ABCC9: variants seen among roughly 807,000 people sequenced by gnomAD.
ABCC9 encodes ATP binding cassette subfamily C member 9.
ABCC9 carries 95 observed loss-of-function variants against 188.3 expected under a neutral mutation model. That is an observed-to-expected ratio of 0.50 (90% confidence interval 0.43 to 0.60). The LOEUF (loss-of-function observed/expected upper bound fraction) is 0.60. ABCC9 is among the 20% of genes least tolerant of loss of function. The pLI is 0.00. For missense variants in ABCC9, 1,102 were observed against 1,876.3 expected (o/e 0.59, Z 7.62); for synonymous variants, 659 against 652.7 (o/e 1.01, Z -0.15).
intron 17 of ABCC9, among the ~76,000 whole-genome samples, chr12:21,874,664 G>T (rs2137594762): frequency 6.6e-6 from 1 of 152,184 alleles, no homozygotes; most frequent in Admixed American, 6.5e-5. Flanking sequence ...TATGCAATGG[G>T]ATATTATTCA....
chr12:21,834,062 C>T (rs879904450), intron 30 of ABCC9, among the ~76,000 whole-genome samples: 3 of 152,160 alleles, frequency 2.0e-5, no homozygotes, highest in Non-Finnish European at 2.9e-5. Flanking sequence ...ATTTTGCCTT[C>T]GATTCTCTCC....
chr12:21,931,830 T>C (rs764457404), intron 4 of ABCC9, among the ~76,000 whole-genome samples: 13 of 152,226 alleles, frequency 8.5e-5, no homozygotes, highest in Middle Eastern at 3.4e-3. Context: ...CAAGATAATA[T>C]CCAATTAAGC....
At chr12:21,846,479 T>C (rs1944677858) in intron 25 of ABCC9, among the ~76,000 whole-genome samples, 1 of 152,218 alleles carries the variant, frequency 6.6e-6, no homozygotes. Flanking sequence ...ATCTTTTGCT[T>C]TTCCAAAGGA....
At chr12:21,883,414 G>C (rs1029532795) in intron 15 of ABCC9, among the ~76,000 whole-genome samples, 2 of 152,172 alleles carry the variant, frequency 1.3e-5, no homozygotes, top group African/African-American at 4.8e-5. Context: ...ATGCTCTCAT[G>C]CCTGCCACCA....
chr12:21,904,083 A>G (rs1407119877), intron 12 of ABCC9, among the ~76,000 whole-genome samples: 8 of 152,222 alleles, frequency 5.3e-5, no homozygotes, highest in East Asian at 3.8e-4. Flanking sequence ...AAACAGAGAT[A>G]TAGACCAATG....
At chr12:21,899,046 C>T (rs572157500) in intron 12 of ABCC9, among the ~76,000 whole-genome samples, 5 of 151,934 alleles carry the variant, frequency 3.3e-5, no homozygotes, top group Non-Finnish European at 7.4e-5. Context: ...TATTTTTAAC[C>T]CTTTTCCCGT....
rs1315658031 is a variant in ABCC9 at position 21,817,317 on chromosome 12, G to T, written c.3772-10C>A. On this transcript the variant is annotated splice_polypyrimidine_tract_variant and intron_variant, in intron 32 of 39. Coordinates refer to ENST00000261200, the MANE Select transcript of ABCC9 (RefSeq NM_020297.4). ...TCAAATAATTGGTTATCTGTGTCAGGTGATTAAAAAAATTGTTTTAAATAA... is the reference window on the plus strand; with the variant it reads ...TCAAATAATTGGTTATCTGTGTCAGTTGATTAAAAAAATTGTTTTAAATAA... 6.2e-7 allele frequency: 1 copy of T among 1,612,912 alleles called. No individual in the cohort carries two copies. The highest frequency in any genetic ancestry group is 8.5e-7 in the Non-Finnish European group (1 of 1,179,518).
intron 30 of ABCC9, among the ~76,000 whole-genome samples, chr12:21,831,440 C>T (rs1269379587): frequency 6.6e-6 from 1 of 152,134 alleles, no homozygotes; most frequent in African/African-American, 2.4e-5. Context: ...ACATGACCTA[C>T]TCCCTTGAAG....
Position 21,882,839 on chromosome 12 carries a change from C to T in ABCC9, c.1946G>A (p.Arg649Lys), listed in dbSNP as rs2137655624. The stretch of plus-strand genomic sequence containing the variant: ...TTGCTCATAGCTGTCCAGGTGATAT[C>T]TTCCAGGCTGTTTCCTGTTTATAGT... ...PKTINRKQPG[R>K]YHLDSYEQST... The change falls in exon 16 of 40, where the codon AGA (arginine) becomes AAA (lysine). Residue 649 changes from arginine to lysine, a missense_variant. Arg to Lys is a conservative substitution (Grantham distance 26). Around this residue, in one of 12 missense-constraint regions of ABCC9, gnomAD observed 258 missense variants for 325.6 expected, o/e 0.79. Transcript: ENST00000261200. 2 of 1,614,068 alleles carry T rather than the reference C, an allele frequency of 1.2e-6. No homozygotes were observed. Among genetic ancestry groups the T allele is most frequent in the African/African-American group, 1.3e-5 (1 of 75,040 alleles).
rs1943557695 is a variant in ABCC9, at chr12:21,829,026, G to A, written c.3601C>T (p.Leu1201=). 6.2e-7 allele frequency: 1 copy of A among 1,613,852 alleles called. No individual in the cohort carries two copies. The highest frequency in any genetic ancestry group is 1.3e-5 in the African/African-American group (1 of 74,890). The change falls in exon 31 of 40, where the codon CTG becomes TTG. Residue 1201 remains leucine (L), a synonymous_variant. Transcript: ENST00000261200. ...TAGGCAATGTTGTTTGTATCCGTCAGTTCCAGCATACGTTGTTTAAATCTG... is the reference window on the plus strand; with the variant it reads ...TAGGCAATGTTGTTTGTATCCGTCAATTCCAGCATACGTTGTTTAAATCTG... The part of the protein sequence containing the change: ...ETRFKQRMLE[L]TDTNNIAYLF...
chr12:21,895,969 G>C (rs184118831), intron 12 of ABCC9, among the ~76,000 whole-genome samples: 1 of 151,600 alleles, frequency 6.6e-6, no homozygotes, highest in Admixed American at 6.6e-5. Flanking sequence ...TTGATTTATA[G>C]TCATACAGTC....
intron 32 of ABCC9, 88 bp from the exon 33 acceptor site, chr12:21,817,395 T>C: frequency 7.6e-7 from 1 of 1,317,548 alleles, no homozygotes; most frequent in South Asian, 1.2e-5. Flanking sequence ...CGAGATAACT[T>C]GGACCATTAG....
In ABCC9 at chr12:21,800,894, G is replaced by A. The variant is rs1941395012; in HGVS notation, c.*150C>T. 2 of 897,066 alleles carry A rather than the reference G, an allele frequency of 2.2e-6. No homozygotes were observed. Among genetic ancestry groups the A allele is most frequent in the African/African-American group, 3.4e-5 (2 of 59,204 alleles). The allele number at this position is 897,066 out of a possible 1,614,324, so 55.6% of individuals were successfully genotyped here. On this transcript the variant is annotated 3_prime_UTR_variant, in exon 40 of 40. Coordinates refer to ENST00000261200, the MANE Select transcript of ABCC9 (RefSeq NM_020297.4). ...TTAAGCAATAATATCTTGAAAAACT[G>A]TTTTAAAAACAGGAAAAATAAATGT...
intron 30 of ABCC9, among the ~76,000 whole-genome samples, chr12:21,832,825 A>C (rs1034030257): frequency 6.6e-6 from 1 of 152,204 alleles, no homozygotes; most frequent in Admixed American, 6.5e-5. Context: ...TTGCACACAC[A>C]TGTTTATAGC....
intron 15 of ABCC9, 49 bp downstream of exon 15, chr12:21,887,777 T>G (rs771186155): frequency 8.5e-7 from 1 of 1,172,018 alleles, no homozygotes; most frequent in South Asian, 1.2e-5. Context: ...TCCATTCTGC[T>G]GAGACTGTCC....
At chr12:21,820,480 G>A (rs576008177) in intron 31 of ABCC9, among the ~76,000 whole-genome samples, 1 of 151,898 alleles carries the variant, frequency 6.6e-6, no homozygotes, top group African/African-American at 2.4e-5. Flanking sequence ...ACTCAGATGG[G>A]TGACAAAGCC....
intron 6 of ABCC9, 139 bp downstream of exon 6, chr12:21,916,798 T>G (rs1948618004): frequency 4.5e-6 from 3 of 661,972 alleles, no homozygotes; most frequent in South Asian, 7.9e-5. Flanking sequence ...ATTTAGTGAT[T>G]AGTTCAACTT....
intron 30 of ABCC9, among the ~76,000 whole-genome samples, chr12:21,833,270 GAAAT>G (rs1943879362): frequency 6.6e-6 from 1 of 151,966 alleles, no homozygotes; most frequent in Non-Finnish European, 1.5e-5. Context: ...AAAACCTATT[GAAAT>G]AAATAAACTA....
At chr12:21,887,615 G>C (rs758556107) in intron 15 of ABCC9, among the ~76,000 whole-genome samples, 6 of 152,064 alleles carry the variant, frequency 3.9e-5, no homozygotes, top group Non-Finnish European at 7.4e-5. Context: ...TGTCTCTTAG[G>C]ATAATTTTTT....
Sources: allele counts gnomAD v4.1 joint callset (sites outside exome capture counted in the v4.1 genomes callset), GRCh38; gene constraint gnomAD v4.1.1; regional missense constraint gnomAD v4.1.1; transcripts MANE v1.5; gene names NCBI Gene and HGNC (gene_info 2026-07-23, HGNC 2026-07-21).